The following RHBDD1 variants were observed in gnomAD, a reference collection of about 807,000 sequenced individuals.
The protein encoded by RHBDD1 is rhomboid domain containing 1.
Under a neutral mutation model 36.3 loss-of-function variants are expected in RHBDD1, and 38 were observed. The ratio of observed to expected loss-of-function variants is 1.05; its 90% CI spans 0.81 to 1.37. The LOEUF (loss-of-function observed/expected upper bound fraction) is 1.37. Ranked by LOEUF, RHBDD1 falls within the 40% of genes most tolerant of loss-of-function variation. The pLI is 0.00. For synonymous variants in RHBDD1, 151 were observed against 136.5 expected (o/e 1.11, Z -0.74); for missense variants, 393 against 377.6 (o/e 1.04, Z -0.34).
At chr2:226,989,364 T>C (rs1957672565) in intron 8 of RHBDD1, among the ~76,000 whole-genome samples, 2 of 152,198 alleles carry the variant, frequency 1.3e-5, no homozygotes, top group Non-Finnish European at 1.5e-5. Flanking sequence ...ATCAGGATCA[T>C]GGGTACTGTT....
chr2:226,846,729 A>G (rs796355189), intron 3 of RHBDD1, among the ~76,000 whole-genome samples: 6 of 150,482 alleles, frequency 4.0e-5, no homozygotes, highest in African/African-American at 1.5e-4. Flanking sequence ...CCTGGGCAAC[A>G]AGATTGAAAT....
upstream of RHBDD1, chr2:226,835,714 T>C (rs1232029224): frequency 6.6e-6 from 1 of 152,314 alleles, no homozygotes; most frequent in Non-Finnish European, 1.5e-5. Flanking sequence ...TCGGGTCCCT[T>C]GAACGCAGGT....
At chr2:226,808,735 C>A in the RHBDD1 span, 1 of 152,078 alleles carries the variant, frequency 6.6e-6, no homozygotes, top group East Asian at 1.9e-4. Flanking sequence ...AATTGTGTAG[C>A]CTTTTATGAC....
chr2:226,892,593 T>TA (rs1204589735), intron 5 of RHBDD1, among the ~76,000 whole-genome samples: 1 of 152,220 alleles, frequency 6.6e-6, no homozygotes, highest in Admixed American at 6.5e-5. Context: ...ACTTAATTCT[T>TA]ATGCAGCATT....
chr2:226,959,962 A>C (rs929903732), intron 8 of RHBDD1, among the ~76,000 whole-genome samples: 1 of 152,114 alleles, frequency 6.6e-6, no homozygotes, highest in African/African-American at 2.4e-5. Flanking sequence ...AGCTGGGACT[A>C]CAGGCACCTG....
Position 226,924,856 on chromosome 2 carries a change from A to G in RHBDD1, c.856+10505A>G, listed in dbSNP as rs566609468. ...CCCCAAGTACACAGATTCTCTGTCTATGCTACCAGGGGATGGATGAGGAGT... is the reference window on the plus strand; with the variant it reads ...CCCCAAGTACACAGATTCTCTGTCTGTGCTACCAGGGGATGGATGAGGAGT... On this transcript the variant is annotated intron_variant, in intron 8 of 8. Coordinates refer to ENST00000392062, the MANE Select transcript of RHBDD1 (RefSeq NM_001167608.3). 2.2e-4 allele frequency among the ~76,000 whole-genome samples: 33 copies of G among 152,326 alleles called. No individual in the cohort carries two copies. In the East Asian group the frequency reaches 4.6e-3, roughly 21 times the overall value.
At chr2:226,896,359 C>T (rs184272529) in intron 5 of RHBDD1, among the ~76,000 whole-genome samples, 9 of 152,298 alleles carry the variant, frequency 5.9e-5, no homozygotes, top group Admixed American at 5.9e-4. Flanking sequence ...CTTCCTTTCC[C>T]TCACCCTCTA....
chr2:226,929,976 A>G (rs1949922128), intron 8 of RHBDD1, among the ~76,000 whole-genome samples: 1 of 152,072 alleles, frequency 6.6e-6, no homozygotes, highest in Non-Finnish European at 1.5e-5. Flanking sequence ...CTCTACAAGG[A>G]AAACTATAAA....
chr2:226,915,173 C>T (rs1040201129), intron 8 of RHBDD1, among the ~76,000 whole-genome samples: 7 of 151,876 alleles, frequency 4.6e-5, no homozygotes, highest in South Asian at 2.1e-4. Context: ...AAGTGTTAGA[C>T]GTAGGGAGAA....
At chr2:226,826,955 T>A in the RHBDD1 span, among the ~76,000 whole-genome samples, 5 of 152,248 alleles carry the variant, frequency 3.3e-5, no homozygotes, top group Non-Finnish European at 5.9e-5. Context: ...AGATTACATT[T>A]AAAAAATTTT....
In RHBDD1 at chr2:226,843,988, C is replaced by T. The variant is rs1248067684; in HGVS notation, c.-91+4361C>T. Among the ~76,000 whole-genome samples the T allele has an allele frequency of 2.0e-5, 3 of 152,176 alleles. No individual in the cohort carries two copies. In the South Asian group the frequency reaches 6.2e-4, roughly 32 times the overall value. ...AGTCTATTCAGGGATTCAATTTCTT[C>T]CTGGTTCAGTCTTGGGAGGGTGTAT... On this transcript the variant is annotated intron_variant, in intron 3 of 8. Coordinates refer to ENST00000392062, the MANE Select transcript of RHBDD1 (RefSeq NM_001167608.3).
chr2:226,966,446 A>G (rs932372512), intron 8 of RHBDD1, among the ~76,000 whole-genome samples: 3 of 152,196 alleles, frequency 2.0e-5, no homozygotes, highest in Admixed American at 6.5e-5. Context: ...TTCATTGTCC[A>G]ACATGGGAGC....
intron 5 of RHBDD1, among the ~76,000 whole-genome samples, chr2:226,882,723 G>C (rs1945872806): frequency 6.6e-6 from 1 of 151,994 alleles, no homozygotes; most frequent in Non-Finnish European, 1.5e-5. Context: ...TCATGTAGTA[G>C]TTAGTCCTTT....
chr2:226,847,512 T>C (rs1014742470), intron 3 of RHBDD1, among the ~76,000 whole-genome samples: 4 of 152,294 alleles, frequency 2.6e-5, no homozygotes, highest in African/African-American at 9.6e-5. Flanking sequence ...AAGCTTGTAG[T>C]AAAGAAAGAA....
Position 226,868,381 on chromosome 2 carries a change from G to A in RHBDD1, c.566+1063G>A, listed in dbSNP as rs566571134. Among the ~76,000 whole-genome samples, 3 of 152,306 alleles carry A rather than the reference G, an allele frequency of 2.0e-5. No homozygotes were observed. The South Asian group carries it at 6.2e-4, about 32-fold the overall frequency. ...CCCCTGACTCCTGTCTGGGGCTCCT[G>A]CCCATTCATGCTGCACTTTCTTCCT... On this transcript the variant is annotated intron_variant, in intron 5 of 8. Transcript: ENST00000392062.
At chr2:226,850,060 A>G (rs1574789097) in intron 3 of RHBDD1, among the ~76,000 whole-genome samples, 1 of 152,220 alleles carries the variant, frequency 6.6e-6, no homozygotes, top group Non-Finnish European at 1.5e-5. Flanking sequence ...GTAATGCACA[A>G]TAATAATATC....
intron 3 of RHBDD1, among the ~76,000 whole-genome samples, chr2:226,861,426 A>G (rs1943841440): frequency 6.6e-6 from 1 of 152,204 alleles, no homozygotes; most frequent in Non-Finnish European, 1.5e-5. Context: ...AGGAAAGTGC[A>G]ATCAGAGCCT....
At position 226,864,762 on chromosome 2, in the gene RHBDD1, G is replaced by T. The variant is rs138151618; in HGVS notation, c.69G>T (p.Gly23=). The change falls in exon 4 of 9, where the codon GGG becomes GGT. Residue 23 remains glycine, a synonymous_variant. Transcript: ENST00000392062. ...ILLLSQIFHV[G]INNIPPVTLA... is the part of the protein sequence containing the mutation. ...TCCTTTCTCAAATCTTCCATGTTGG[G>T]ATCAACAATATTCCACCTGTCACCC... 6.2e-7 allele frequency: 1 copy of T among 1,613,972 alleles called. No homozygotes were observed. Among genetic ancestry groups the T allele is most frequent in the African/African-American group, 1.3e-5 (1 of 74,892 alleles).
chr2:226,951,624 A>G (rs73992278), intron 8 of RHBDD1, among the ~76,000 whole-genome samples: 2,255 of 152,338 alleles, frequency 0.015, 68 homozygotes, highest in African/African-American at 0.051. Context: ...GCCAGGGAAT[A>G]TGAAATCCCA....
Sources: gnomAD v4.1 joint callset for allele counts (sites outside exome capture counted in the v4.1 genomes callset) on GRCh38, gnomAD v4.1.1 for gene constraint, MANE v1.5 for transcripts, NCBI Gene and HGNC (gene_info 2026-07-23, HGNC 2026-07-21) for gene names.